The following ASPG variants were observed in gnomAD, a reference collection of about 807,000 sequenced individuals.
The protein encoded by ASPG is 60 kDa lysophospholipase.
A neutral mutation model predicts 63.2 loss-of-function variants in ASPG; 53 were observed. The observed-to-expected ratio is 0.84, with a 90% CI of 0.67 to 1.05. The LOEUF (loss-of-function observed/expected upper bound fraction) is 1.05, where lower values mean the gene tolerates loss of function less well. Ranked by LOEUF, ASPG falls within the 50% of genes least tolerant of loss-of-function variation. The pLI, the probability that ASPG is intolerant of heterozygous loss-of-function variation, is 0.00. For missense variants in ASPG, 741 were observed against 794.4 expected, an observed-to-expected ratio of 0.93 and a Z score of 0.81; for synonymous variants, 370 against 355.0, an observed-to-expected ratio of 1.04 and a Z score of -0.48.
rs1479716606 is a variant in ASPG, at chr14:104,093,635, T to A, written c.303+33T>A. 9.5e-6 allele frequency: 8 copies of A among 845,082 alleles called. No individual in the cohort carries two copies. The Admixed American group carries it at 3.8e-4, about 40-fold the overall frequency. 52.3% of individuals were successfully genotyped at this position (845,082 alleles called of 1,614,324 possible). ...GGCTGGGGAATGCTGGGTGGGGCTG[T>A]GGTGTGTGGGTGGGGCTGAGGTGTG... On this transcript the variant is annotated intron_variant, in intron 3 of 15. Coordinates refer to ENST00000551177, the MANE Select transcript of ASPG (RefSeq NM_001080464.3).
In ASPG at chr14:104,098,849, G is replaced by A. The variant is rs747632358; in HGVS notation, c.514-4G>A. 1.6e-5 allele frequency: 25 copies of A among 1,612,422 alleles called. No homozygotes were observed. The highest frequency in any genetic ancestry group is 2.7e-5 in the African/African-American group (2 of 74,948). Reference sequence around the variant, plus strand: ...CTCTGAACTCTGTCGCTCCGTTCCCGCAGGTCTGCCTTTTCTTCCAGAATC... The same window carrying A: ...CTCTGAACTCTGTCGCTCCGTTCCCACAGGTCTGCCTTTTCTTCCAGAATC... On this transcript the variant is annotated splice_polypyrimidine_tract_variant and splice_region_variant and intron_variant, in intron 5 of 15. Transcript: ENST00000551177.
intron 6 of ASPG, among the ~76,000 whole-genome samples, chr14:104,102,904 C>A (rs897762796): frequency 2.0e-5 from 3 of 152,214 alleles, no homozygotes; most frequent in Non-Finnish European, 2.9e-5. Flanking sequence ...CCACCATCAC[C>A]CACCCTGGGT....
At position 104,112,755 on chromosome 14, in the gene ASPG, G is replaced by C; in HGVS notation, c.*211G>C. The C allele has an allele frequency of 8.7e-7, 1 of 1,152,312 alleles. No homozygotes were observed. The highest frequency in any genetic ancestry group is 1.2e-6 in the Non-Finnish European group (1 of 829,210). The allele number at this position is 1,152,312 out of a possible 1,614,324, so 71.4% of individuals were successfully genotyped here. ...TCTGAGAGGCTCTGTCTGGGTCCGG[G>C]ACTGTGGATGTGTGTGGGGAGTCAG... is the stretch of plus-strand genomic sequence containing the variant. On this transcript the variant is annotated 3_prime_UTR_variant, in exon 16 of 16. Transcript: ENST00000551177.
chr14:104,112,945 T>C lies in ASPG; in HGVS notation c.*401T>C. 1 of 310,866 alleles carries C rather than the reference T, an allele frequency of 3.2e-6. No individual in the cohort carries two copies. The highest frequency in any genetic ancestry group is 6.3e-6 in the Non-Finnish European group (1 of 159,514). The allele number at this position is 310,866 out of a possible 1,614,324, so 19.3% of individuals were successfully genotyped here. The stretch of plus-strand genomic sequence containing the variant: ...GCCACCCTGCCTTTGCCCAGGCTGG[T>C]CCCTCCTCCAGACACCCTCTGCCCA... On this transcript the variant is annotated 3_prime_UTR_variant, in exon 16 of 16. Coordinates refer to ENST00000551177, the MANE Select transcript of ASPG (RefSeq NM_001080464.3).
rs1317713387 is a variant in ASPG, at chr14:104,091,922, G to C, written c.83-711G>C. Reference sequence around the variant, plus strand: ...GCTGGCCCCAGGGAATGAGTGGTGTGGCCAGGTCTCCATTTAAGGGACAGA... The same window carrying C: ...GCTGGCCCCAGGGAATGAGTGGTGTCGCCAGGTCTCCATTTAAGGGACAGA... On this transcript the variant is annotated intron_variant, in intron 1 of 15. Coordinates refer to ENST00000551177, the MANE Select transcript of ASPG (RefSeq NM_001080464.3). This position sits in a 1 kb window ranked among gnomAD's most constrained non-coding sequence, Gnocchi z 6.4. Among the ~76,000 whole-genome samples, 1 of 152,056 alleles carries C rather than the reference G, an allele frequency of 6.6e-6. No individual in the cohort carries two copies. The highest frequency in any genetic ancestry group is 2.4e-5 in the African/African-American group (1 of 41,362).
In ASPG at chr14:104,107,287, G is replaced by A. The variant is rs371039696; in HGVS notation, c.1375G>A (p.Asp459Asn). The A allele has an allele frequency of 1.2e-6, 2 of 1,608,416 alleles. No individual in the cohort carries two copies. Among genetic ancestry groups the A allele is most frequent in the East Asian group, 2.2e-5 (1 of 44,784 alleles). The change falls in exon 12 of 16, where the codon GAC becomes AAC. Residue 459 changes from aspartate (D) to asparagine (N), a missense_variant. Physicochemically the swap from Asp to Asn is conservative, Grantham distance 23. Transcript: ENST00000551177. ...CACCATGCTGCTGCAGAGAGGTGTG[G>A]ACGTGAACACCCGGGACACGGATGG... Reference protein sequence around the residue: ...AVTMLLQRGVDVNTRDTDGFS... With the variant: ...AVTMLLQRGVNVNTRDTDGFS...
At chr14:104,095,387 C>A in intron 3 of ASPG, 144 bp from the exon 4 acceptor site, 1 of 1,187,994 alleles carries the variant, frequency 8.4e-7, no homozygotes, top group Non-Finnish European at 1.2e-6. Flanking sequence ...GCTAATCTTC[C>A]AGAGAGGGAC....
intron 1 of ASPG, among the ~76,000 whole-genome samples, chr14:104,086,779 ACTC>A (rs1306507922): frequency 1.4e-5 from 2 of 144,226 alleles, no homozygotes; most frequent in African/African-American, 5.2e-5. Context: ...AGCCCTTTCC[ACTC>A]CTCCTCCTCC....
intron 3 of ASPG, among the ~76,000 whole-genome samples, chr14:104,094,507 G>A (rs1467651127): frequency 6.6e-6 from 1 of 151,214 alleles, no homozygotes; most frequent in Non-Finnish European, 1.5e-5. Flanking sequence ...ACGCTCCCAT[G>A]TTACCGGAGC....
At chr14:104,106,635 C>A (rs565201988) in intron 10 of ASPG, among the ~76,000 whole-genome samples, 164 bp from the exon 11 acceptor site, 17 of 152,038 alleles carry the variant, frequency 1.1e-4, no homozygotes, top group African/African-American at 3.6e-4. Context: ...GAGGCTCAAC[C>A]CCAGGCCTTC....
chr14:104,108,308 AG>A (rs2037231922), intron 12 of ASPG: 1 of 685,368 alleles, frequency 1.5e-6, no homozygotes, highest in Admixed American at 6.3e-5. Context: ...TCCGGACTGG[AG>A]CTTCTAGACT....
chr14:104,103,889 C>T (rs2036996347), intron 7 of ASPG, among the ~76,000 whole-genome samples: 1 of 152,224 alleles, frequency 6.6e-6, no homozygotes, highest in Non-Finnish European at 1.5e-5. Flanking sequence ...AGGGTTGGGG[C>T]GCGGCTCACA....
rs1488669185 is a variant in ASPG, at chr14:104,105,418, G to T, written c.1141G>T (p.Val381Phe). Reference sequence around the variant, plus strand: ...GCAGGGCAACACGCTGGGCGGTGGGGTCTCCTGGCTCCTCAGTCTGAGCGG... The same window carrying T: ...GCAGGGCAACACGCTGGGCGGTGGGTTCTCCTGGCTCCTCAGTCTGAGCGG... The part of the protein sequence containing the change: ...SLQGNTLGGG[V>F]SWLLSLSGSQ... The change falls in exon 10 of 16, where the codon GTC (valine) becomes TTC (phenylalanine). Residue 381 changes from valine (V) to phenylalanine (F), a missense_variant. Transcript: ENST00000551177. 6.2e-7 allele frequency: 1 copy of T among 1,609,714 alleles called. No individual in the cohort carries two copies.
At chr14:104,102,558 G>C (rs2036925757) in intron 6 of ASPG, among the ~76,000 whole-genome samples, 1 of 152,188 alleles carries the variant, frequency 6.6e-6, no homozygotes, top group Non-Finnish European at 1.5e-5. Context: ...ACTGCCCTGG[G>C]CAGCTCTGAC....
rs142563475 is a variant in ASPG at position 104,096,778 on chromosome 14, A to C, written c.430-776A>C. Among the ~76,000 whole-genome samples the C allele has an allele frequency of 7.0e-3, 1,064 of 152,300 alleles. 9 individuals are homozygous for C. The highest frequency in any genetic ancestry group is 0.024 in the African/African-American group (979 of 41,562). On this transcript the variant is annotated intron_variant, in intron 4 of 15. Coordinates refer to ENST00000551177, the MANE Select transcript of ASPG (RefSeq NM_001080464.3). ...GCTTACAGGCTAGGGGCTCACCCAC[A>C]GCCACGTACCACGTGAGGGCTGAGC...
intron 8 of ASPG, 25 bp downstream of exon 8, chr14:104,104,511 G>T: frequency 1.2e-6 from 2 of 1,607,366 alleles, no homozygotes; most frequent in Non-Finnish European, 1.7e-6. Flanking sequence ...TCAGGGCCTA[G>T]CGGGGAAGGG....
chr14:104,088,309 C>T (rs2036273579), intron 1 of ASPG, among the ~76,000 whole-genome samples: 1 of 152,144 alleles, frequency 6.6e-6, no homozygotes, highest in Non-Finnish European at 1.5e-5. Flanking sequence ...TGGAGCCCTG[C>T]CAGAGTTCAG....
chr14:104,090,969 G>T lies in ASPG; in HGVS notation c.83-1664G>T, dbSNP rs370677619. On this transcript the variant is annotated intron_variant, in intron 1 of 15. Coordinates refer to ENST00000551177, the MANE Select transcript of ASPG (RefSeq NM_001080464.3). ...CAACCTCCGCCTGCCAGATTCAAGT[G>T]ATTCTCCCGCCTCAACCTCCCAAGT... Among the ~76,000 whole-genome samples, 28 of 152,214 alleles carry T rather than the reference G, an allele frequency of 1.8e-4. No individual in the cohort carries two copies. The East Asian group carries it at 4.8e-3, about 26-fold the overall frequency.
At chr14:104,089,703 C>A (rs1039539666) in intron 1 of ASPG, among the ~76,000 whole-genome samples, 1 of 152,140 alleles carries the variant, frequency 6.6e-6, no homozygotes, top group African/African-American at 2.4e-5. Flanking sequence ...GACATGGTGG[C>A]TCAGGCCTGT....
Sources: allele counts gnomAD v4.1 joint callset (sites outside exome capture counted in the v4.1 genomes callset), GRCh38; gene constraint gnomAD v4.1.1; non-coding constraint Gnocchi (gnomAD v3.1); transcripts MANE v1.5; gene names NCBI Gene and HGNC (gene_info 2026-07-23, HGNC 2026-07-21).